Variants in CPE observed in about 807,000 individuals in gnomAD.
The protein encoded by CPE is carboxypeptidase E, also known as carbocypeptidase E.
A neutral mutation model predicts 53.5 loss-of-function variants in CPE; 17 were observed. The observed-to-expected ratio is 0.32, with a 90% CI of 0.22 to 0.48. The LOEUF is 0.48. CPE is among the 20% of genes least tolerant of loss of function. CPE has a pLI of 0.99. For missense variants in CPE, 524 were observed against 614.7 expected, an observed-to-expected ratio of 0.85 and a Z score of 1.56; for synonymous variants, 226 against 228.8, an observed-to-expected ratio of 0.99 and a Z score of 0.11.
chr4:165,484,839 G>A (rs1732478926), intron 5 of CPE, among the ~76,000 whole-genome samples: 1 of 152,168 alleles, frequency 6.6e-6, no homozygotes, highest in Admixed American at 6.5e-5. Context: ...TACAGGAAAT[G>A]AACTGAAGAC....
In CPE at chr4:165,484,585, T is replaced by A. The variant is rs1481055054; in HGVS notation, c.954T>A (p.Ala318=). 1 of 1,614,016 alleles carries A rather than the reference T, an allele frequency of 6.2e-7. No homozygotes were observed. Among genetic ancestry groups the A allele is most frequent in the South Asian group, 1.1e-5 (1 of 91,068 alleles). The part of the protein sequence containing the change: ...SFVDGTTNGG[A]WYSVPGGMQD... ...TAGATGGAACCACCAACGGTGGTGCTTGGTACAGCGTACCTGGAGGTGAGT... is the reference window on the plus strand; with the variant it reads ...TAGATGGAACCACCAACGGTGGTGCATGGTACAGCGTACCTGGAGGTGAGT... Residue 318 remains alanine, a synonymous_variant, in exon 5 of 9, where the codon GCT becomes GCA. Transcript: ENST00000402744.
chr4:165,457,877 T>C (rs1731929622), intron 1 of CPE, among the ~76,000 whole-genome samples: 1 of 152,230 alleles, frequency 6.6e-6, no homozygotes, highest in Non-Finnish European at 1.5e-5. Flanking sequence ...AATCTGTTTT[T>C]GTAACCATCC....
At chr4:165,485,292 A>G (rs1579282735) in intron 5 of CPE, among the ~76,000 whole-genome samples, 1 of 152,266 alleles carries the variant, frequency 6.6e-6, no homozygotes, top group Admixed American at 6.5e-5. Flanking sequence ...ATATTTATAT[A>G]TATTTTTACT....
intron 1 of CPE, among the ~76,000 whole-genome samples, chr4:165,416,518 T>C (rs1272577024): frequency 1.3e-5 from 2 of 152,084 alleles, no homozygotes; most frequent in African/African-American, 4.8e-5. Context: ...AGGGAGAATA[T>C]GCGGTAGACA....
chr4:165,400,723 C>T (rs773940506), intron 1 of CPE, among the ~76,000 whole-genome samples: 4 of 152,164 alleles, frequency 2.6e-5, no homozygotes, highest in Non-Finnish European at 4.4e-5. Context: ...TCAAGTGAAG[C>T]AGTGGGAGTA....
At chr4:165,433,410 T>A (rs1485289606) in intron 1 of CPE, among the ~76,000 whole-genome samples, 5 of 152,196 alleles carry the variant, frequency 3.3e-5, no homozygotes, top group African/African-American at 4.8e-5. Context: ...AGGCAGGAAC[T>A]TAGTCCAAAA....
At chr4:165,381,977 C>T (rs1256554543) in intron 1 of CPE, among the ~76,000 whole-genome samples, 3 of 152,060 alleles carry the variant, frequency 2.0e-5, no homozygotes, top group Non-Finnish European at 4.4e-5. Flanking sequence ...TCTGCACAAC[C>T]CATAGAAGAT....
intron 3 of CPE, among the ~76,000 whole-genome samples, chr4:165,476,528 A>G (rs1403800995): frequency 6.6e-6 from 1 of 151,790 alleles, no homozygotes; most frequent in Non-Finnish European, 1.5e-5. Flanking sequence ...CCATTTGCCC[A>G]GCTCCTGAGA....
intron 3 of CPE, among the ~76,000 whole-genome samples, chr4:165,481,901 A>G (rs78416360): frequency 0.024 from 3,647 of 152,304 alleles, 143 homozygotes; most frequent in African/African-American, 0.078. Flanking sequence ...CATAATAACA[A>G]TGTGTGAACC....
chr4:165,422,473 C>T (rs1375988307), intron 1 of CPE, among the ~76,000 whole-genome samples: 6 of 151,988 alleles, frequency 3.9e-5, no homozygotes, highest in Non-Finnish European at 8.8e-5. Context: ...AATCCTAAAG[C>T]TTTTTATATT....
intron 1 of CPE, among the ~76,000 whole-genome samples, chr4:165,432,516 G>A (rs538990651): frequency 2.6e-4 from 39 of 151,996 alleles, no homozygotes; most frequent in African/African-American, 7.7e-4. Context: ...GGCTGGTTTC[G>A]AACTCCTGGG....
chr4:165,380,460 T>C (rs1205535940), intron 1 of CPE, among the ~76,000 whole-genome samples: 2 of 152,212 alleles, frequency 1.3e-5, no homozygotes. Context: ...AAAAATGTTC[T>C]TGGGACTTTT....
At chr4:165,496,832 T>C (rs1482575067) in intron 8 of CPE, among the ~76,000 whole-genome samples, 4 of 152,242 alleles carry the variant, frequency 2.6e-5, no homozygotes, top group Non-Finnish European at 5.9e-5. Flanking sequence ...TTCTTCCACA[T>C]TCCCTCCCAC....
Position 165,409,058 on chromosome 4 carries a change from A to G in CPE, c.307+29530A>G, listed in dbSNP as rs536482813. 3.9e-5 allele frequency among the ~76,000 whole-genome samples: 6 copies of G among 152,356 alleles called. No individual in the cohort carries two copies. The East Asian group carries it at 1.2e-3, about 29-fold the overall frequency. On this transcript the variant is annotated intron_variant, in intron 1 of 8. Coordinates refer to ENST00000402744, the MANE Select transcript of CPE (RefSeq NM_001873.4). ...TTCTTACATTTATTTGGCCACAAGTATGCTTAGAGCAGCTAAGCTCTTGAG... is the reference window on the plus strand; with the variant it reads ...TTCTTACATTTATTTGGCCACAAGTGTGCTTAGAGCAGCTAAGCTCTTGAG...
chr4:165,479,585 T>G (rs1485457553), intron 3 of CPE, among the ~76,000 whole-genome samples: 1 of 152,340 alleles, frequency 6.6e-6, no homozygotes, highest in Non-Finnish European at 1.5e-5. Context: ...TTTGATGTTA[T>G]GTACTTAACA....
intron 6 of CPE, among the ~76,000 whole-genome samples, chr4:165,491,688 A>G (rs944693659): frequency 6.6e-6 from 1 of 152,190 alleles, no homozygotes; most frequent in Non-Finnish European, 1.5e-5. Context: ...TATTTGCAAC[A>G]TTAAAAAATT....
chr4:165,384,777 C>T (rs1019985351), intron 1 of CPE, among the ~76,000 whole-genome samples: 1 of 152,274 alleles, frequency 6.6e-6, no homozygotes, highest in Non-Finnish European at 1.5e-5. Context: ...GTTGGCAATT[C>T]TCCAGCAGAG....
Position 165,497,524 on chromosome 4 carries a change from C to T in CPE, c.1345C>T (p.Leu449=). Residue 449 remains leucine, a synonymous_variant, in exon 9 of 9, where the codon CTG becomes TTG. Transcript: ENST00000402744. ...YSPAAGVDFE[L]ESFSERKEEE... The stretch of plus-strand genomic sequence containing the variant: ...TTTTCTCTTTTAGGTTGATTTTGAA[C>T]TGGAGTCATTTTCTGAAAGGAAAGA... The T allele has an allele frequency of 6.4e-7, 1 of 1,561,028 alleles. No individual in the cohort carries two copies. Among genetic ancestry groups the T allele is most frequent in the South Asian group, 1.2e-5 (1 of 80,396 alleles).
At chr4:165,487,008 T>C (rs1256006800) in intron 5 of CPE, among the ~76,000 whole-genome samples, 2 of 152,318 alleles carry the variant, frequency 1.3e-5, no homozygotes, top group East Asian at 1.9e-4. Context: ...ATGATATTGA[T>C]TGGGCTTAAG....
Sources: gnomAD v4.1 joint callset for allele counts (sites outside exome capture counted in the v4.1 genomes callset) on GRCh38, gnomAD v4.1.1 for gene constraint, MANE v1.5 for transcripts, NCBI Gene and HGNC (gene_info 2026-07-23, HGNC 2026-07-21) for gene names.